The following TMPRSS15 variants were observed in gnomAD, a reference collection of about 807,000 sequenced individuals.
The protein encoded by TMPRSS15 is enteropeptidase.
In TMPRSS15, 128 loss-of-function variants were observed where a neutral mutation model predicts 125.3. That is an observed-to-expected ratio of 1.02 (90% CI 0.89 to 1.18). TMPRSS15 has a LOEUF of 1.18. Among genes scored for constraint, TMPRSS15 ranks in the 50% most tolerant of loss-of-function variants. The pLI is 0.00. For missense variants in TMPRSS15, 1,283 were observed against 1,212.7 expected (o/e 1.06, Z -0.86); for synonymous variants, 446 against 423.2 (o/e 1.05, Z -0.66).
intron 13 of TMPRSS15, among the ~76,000 whole-genome samples, chr21:18,338,716 CAG>C (rs886199555): frequency 2.3e-5 from 3 of 130,040 alleles, no homozygotes; most frequent in Admixed American, 8.0e-5. Flanking sequence ...CAGAGACAGA[CAG>C]AGAGAGAGAT....
intron 24 of TMPRSS15, 68 bp from the exon 25 acceptor site, chr21:18,270,192 T>G: frequency 2.3e-6 from 3 of 1,330,266 alleles, no homozygotes; most frequent in Non-Finnish European, 2.1e-6. Flanking sequence ...TAAAATTATT[T>G]GTATCAAATA....
intron 23 of TMPRSS15, among the ~76,000 whole-genome samples, chr21:18,278,675 T>C (rs1410142725): frequency 2.0e-5 from 3 of 152,122 alleles, no homozygotes; most frequent in African/African-American, 7.2e-5. Flanking sequence ...TGTGTCAAGA[T>C]GGCGCCACTG....
At chr21:18,306,385 T>A (rs544534555) in intron 18 of TMPRSS15, among the ~76,000 whole-genome samples, 23 of 152,330 alleles carry the variant, frequency 1.5e-4, no homozygotes, top group African/African-American at 5.5e-4. Flanking sequence ...TGCTCTATGT[T>A]TTTGAAAGGC....
At chr21:18,313,126 G>T (rs371037903) in intron 17 of TMPRSS15, 49 bp from the exon 18 acceptor site, 2 of 1,326,698 alleles carry the variant, frequency 1.5e-6, no homozygotes, top group Non-Finnish European at 2.2e-6. Context: ...TGAAGGGTGC[G>T]GAGTATGGGA....
At chr21:18,331,044 G>A (rs1249485352) in intron 14 of TMPRSS15, among the ~76,000 whole-genome samples, 2 of 140,162 alleles carry the variant, frequency 1.4e-5, no homozygotes, top group East Asian at 4.2e-4. Context: ...CTGCACTCCA[G>A]CCTGGGCGAC....
At chr21:18,432,456 G>A (rs1206333942) in intron 1 of TMPRSS15, among the ~76,000 whole-genome samples, 2 of 152,140 alleles carry the variant, frequency 1.3e-5, no homozygotes, top group Non-Finnish European at 2.9e-5. Flanking sequence ...AGGAAACAGG[G>A]TCATTGCAGA....
intron 16 of TMPRSS15, among the ~76,000 whole-genome samples, chr21:18,322,485 T>C (rs1464539278): frequency 6.6e-6 from 1 of 152,072 alleles, no homozygotes; most frequent in Non-Finnish European, 1.5e-5. Flanking sequence ...TAAGAGTCCA[T>C]CAACAGATGA....
intron 13 of TMPRSS15, among the ~76,000 whole-genome samples, 171 bp from the exon 14 acceptor site, chr21:18,332,344 T>C (rs1418920561): frequency 6.6e-6 from 1 of 152,182 alleles, no homozygotes; most frequent in Non-Finnish European, 1.5e-5. Context: ...AAAAATACAG[T>C]TAAGTAGATA....
intron 16 of TMPRSS15, among the ~76,000 whole-genome samples, chr21:18,318,277 G>C (rs571171213): frequency 6.6e-6 from 1 of 152,276 alleles, no homozygotes; most frequent in Non-Finnish European, 1.5e-5. Flanking sequence ...TGTACTATAA[G>C]AGGTGTATTG....
intron 18 of TMPRSS15, among the ~76,000 whole-genome samples, chr21:18,298,119 T>A (rs1038498095): frequency 1.3e-5 from 2 of 152,178 alleles, no homozygotes; most frequent in African/African-American, 4.8e-5. Context: ...ATTACATATA[T>A]CACTTAGTTA....
chr21:18,397,965 T>C lies in TMPRSS15; in HGVS notation c.277-19A>G. ...CATCTATCTAGAAAAATATAAAAGA[T>C]TGAATGAGTATACTAAATTTAGGAT... is the stretch of plus-strand genomic sequence containing the variant. On this transcript the variant is annotated intron_variant, in intron 2 of 24. Transcript: ENST00000284885. 1 of 1,390,084 alleles carries C rather than the reference T, an allele frequency of 7.2e-7. No individual in the cohort carries two copies. Among genetic ancestry groups the C allele is most frequent in the South Asian group, 1.3e-5 (1 of 79,344 alleles). 86.1% of individuals were successfully genotyped at this position (1,390,084 alleles called of 1,614,324 possible). A position where few individuals can be genotyped will look rare whatever the true frequency, so the allele number is the denominator to read the frequency against.
chr21:18,337,713 T>C (rs1395706694), intron 13 of TMPRSS15, among the ~76,000 whole-genome samples: 1 of 152,182 alleles, frequency 6.6e-6, no homozygotes, highest in African/African-American at 2.4e-5. Flanking sequence ...CTGGGACTGT[T>C]TTCTTCTTTA....
At chr21:18,409,762 A>T (rs2076160606) in intron 1 of TMPRSS15, among the ~76,000 whole-genome samples, 1 of 151,764 alleles carries the variant, frequency 6.6e-6, no homozygotes. Flanking sequence ...TTTTTCTTTG[A>T]TTGAGTTTGC....
intron 10 of TMPRSS15, among the ~76,000 whole-genome samples, chr21:18,351,434 C>T (rs9982295): frequency 0.98 from 149,866 of 152,244 alleles, 73,807 homozygotes; most frequent in Middle Eastern, 1. Flanking sequence ...TCCCCATGTG[C>T]TGAGGGCAGG....
chr21:18,278,928 T>TTTG, intron 23 of TMPRSS15, 36 bp downstream of exon 23: 2 of 728,896 alleles, frequency 2.7e-6, no homozygotes, highest in East Asian at 6.4e-5. Context: ...AGTAAGGTTT[T>TTTG]TTTTTTTTTT....
chr21:18,322,220 A>T (rs2075245932), intron 16 of TMPRSS15, among the ~76,000 whole-genome samples: 1 of 152,210 alleles, frequency 6.6e-6, no homozygotes, highest in South Asian at 2.1e-4. Context: ...ATAAATGCTG[A>T]TGAGGATGCA....
chr21:18,375,168 T>C (rs2075830943), intron 5 of TMPRSS15, among the ~76,000 whole-genome samples: 2 of 152,190 alleles, frequency 1.3e-5, no homozygotes, highest in Admixed American at 1.3e-4. Context: ...AAAACTAGTA[T>C]GAAAAATATG....
intron 9 of TMPRSS15, 25 bp from the exon 10 acceptor site, chr21:18,353,077 T>C: frequency 6.2e-7 from 1 of 1,600,758 alleles, no homozygotes; most frequent in Non-Finnish European, 8.5e-7. Context: ...AAAGAAGGAA[T>C]AAAAAAAATT....
chr21:18,341,003 C>G (rs1319856241), intron 13 of TMPRSS15, among the ~76,000 whole-genome samples: 1 of 152,098 alleles, frequency 6.6e-6, no homozygotes. Flanking sequence ...AAATAAATAA[C>G]AGTAGGTTGA....
Sources: allele counts gnomAD v4.1 joint callset (sites outside exome capture counted in the v4.1 genomes callset), GRCh38; gene constraint gnomAD v4.1.1; transcripts MANE v1.5; gene names NCBI Gene and HGNC (gene_info 2026-07-23, HGNC 2026-07-21).